Variants in CEP250 observed in about 807,000 individuals in gnomAD.
CEP250 encodes the protein centrosome-associated protein CEP250.
Under a neutral mutation model 315.7 loss-of-function variants are expected in CEP250, and 242 were observed. The ratio of observed to expected loss-of-function variants is 0.77; its 90% CI spans 0.69 to 0.85. The LOEUF (loss-of-function observed/expected upper bound fraction) is 0.85, where lower values mean the gene tolerates loss of function less well. Ranked by LOEUF, CEP250 falls within the 40% of genes least tolerant of loss-of-function variation. The pLI, the probability that CEP250 is intolerant of heterozygous loss-of-function variation, is 0.00. For synonymous variants in CEP250, 1,088 were observed against 1,175.0 expected (o/e 0.93, Z 1.51); for missense variants, 2,515 against 2,886.4 (o/e 0.87, Z 2.95).
In CEP250 at chr20:35,467,310, G is replaced by A; in HGVS notation, c.606G>A (p.Leu202=). ...LEMKSATDRD[L]MELKAEHVRL... Reference sequence around the variant, plus strand: ...TTTCCTTGCTTGTACTCAGAGATCTGATGGAGCTAAAAGCTGAGCATGTGA... The same window carrying A: ...TTTCCTTGCTTGTACTCAGAGATCTAATGGAGCTAAAAGCTGAGCATGTGA... Residue 202 remains leucine (L), a synonymous_variant, in exon 9 of 35, where the codon CTG becomes CTA. Transcript: ENST00000397527. The A allele has an allele frequency of 1.2e-6, 2 of 1,612,498 alleles. No individual in the cohort carries two copies. The highest frequency in any genetic ancestry group is 1.7e-6 in the Non-Finnish European group (2 of 1,178,726).
intron 21 of CEP250, 76 bp downstream of exon 21, chr20:35,490,880 C>A: frequency 6.5e-7 from 1 of 1,527,292 alleles, no homozygotes; most frequent in South Asian, 1.2e-5. Context: ...TTTCTACTCC[C>A]AAGAGGAGTG....
intron 5 of CEP250, among the ~76,000 whole-genome samples, 174 bp downstream of exon 5, chr20:35,463,805 C>A (rs1236443913): frequency 6.6e-6 from 1 of 152,252 alleles, no homozygotes; most frequent in Non-Finnish European, 1.5e-5. Context: ...CCTAGCTGGC[C>A]TGTCAGATTC....
chr20:35,496,693 A>G lies in CEP250; in HGVS notation c.3284A>G (p.Glu1095Gly). The G allele has an allele frequency of 6.2e-7, 1 of 1,613,834 alleles. No individual in the cohort carries two copies. The highest frequency in any genetic ancestry group is 1.1e-5 in the South Asian group (1 of 91,032). The change falls in exon 25 of 35, where the codon GAA becomes GGA. Residue 1095 changes from glutamate (E) to glycine (G), a missense_variant. Coordinates refer to ENST00000397527, the MANE Select transcript of CEP250 (RefSeq NM_007186.6). ...LRQDMQEAQGEQKELSAQMEL... is the reference protein window; with the variant it reads ...LRQDMQEAQGGQKELSAQMEL... ...CAGGACATGCAGGAGGCCCAGGGAG[A>G]ACAGAAAGAGCTCAGTGCTCAGGTA... is the stretch of plus-strand genomic sequence containing the variant.
In CEP250 at chr20:35,497,834, C is replaced by T; in HGVS notation, c.3422C>T (p.Ser1141Phe). 2 of 1,577,744 alleles carry T rather than the reference C, an allele frequency of 1.3e-6. No homozygotes were observed. The highest frequency in any genetic ancestry group is 1.2e-5 in the South Asian group (1 of 86,536). Residue 1141 changes from serine (S) to phenylalanine (F), a missense_variant, in exon 26 of 35, where the codon TCC (serine) becomes TTC (phenylalanine). Coordinates refer to ENST00000397527, the MANE Select transcript of CEP250 (RefSeq NM_007186.6). ...ATCACGGAGCAGCAGCTGCGAGCCT[C>T]CTTGTGGGCCCAGGAAGCCAAGGCA... ...SHITEQQLRA[S>F]LWAQEAKAAQ...
chr20:35,486,726 G>T (rs1313313132), intron 20 of CEP250, among the ~76,000 whole-genome samples: 1 of 152,196 alleles, frequency 6.6e-6, no homozygotes, highest in Non-Finnish European at 1.5e-5. Flanking sequence ...TGTGCTTTAT[G>T]TGTATTTGTA....
In CEP250 at chr20:35,472,075, A is replaced by C; in HGVS notation, c.974A>C (p.Glu325Ala). 1 of 1,611,648 alleles carries C rather than the reference A, an allele frequency of 6.2e-7. No individual in the cohort carries two copies. Among genetic ancestry groups the C allele is most frequent in the South Asian group, 1.1e-5 (1 of 91,028 alleles). ...ILETNHTELM[E>A]HEASLSRNAQ... ...GAGACAAATCACACAGAATTAATGG[A>C]ACATGAAGCATCTCTTAGTAGGAAT... The change falls in exon 11 of 35, where the codon GAA (glutamate) becomes GCA (alanine). Residue 325 changes from glutamate to alanine, a missense_variant. Transcript: ENST00000397527.
chr20:35,501,092 A>C (rs1307743966), intron 28 of CEP250, among the ~76,000 whole-genome samples: 1 of 152,212 alleles, frequency 6.6e-6, no homozygotes, highest in African/African-American at 2.4e-5. Context: ...GGATATATCC[A>C]TGTGCCAGCC....
Position 35,504,373 on chromosome 20 carries a change from C to T in CEP250, c.6004C>T (p.Gln2002Ter). 1 of 1,599,590 alleles carries T rather than the reference C, an allele frequency of 6.3e-7. No individual in the cohort carries two copies. Residue 2002 changes from glutamine (Q) to a stop codon, truncating the protein, a stop_gained, in exon 30 of 35, where the codon CAA becomes TAA. Transcript: ENST00000397527. LOFTEE classifies it high-confidence loss of function. ...TCTGGAGGCCAGCACTGCAACCCTG[C>T]AAGCCTCCCTGGATGCCTGCCAGGC... ...RSLEASTATL[Q>*]ASLDACQAHS... is the part of the protein sequence containing the mutation.
intron 30 of CEP250, 129 bp from the exon 31 acceptor site, chr20:35,507,609 C>T (rs2064223458): frequency 1.3e-6 from 1 of 743,070 alleles, no homozygotes; most frequent in Non-Finnish European, 2.3e-6. Context: ...ACTAGAATGA[C>T]TCAGAGCCTC....
chr20:35,488,840 G>C (rs1294751937), intron 20 of CEP250, among the ~76,000 whole-genome samples: 1 of 152,066 alleles, frequency 6.6e-6, no homozygotes, highest in Non-Finnish European at 1.5e-5. Context: ...TGATGGAGTA[G>C]GGGGGAGAAG....
chr20:35,511,307 G>A, intron 34 of CEP250, 56 bp from the exon 35 acceptor site: 2 of 1,464,246 alleles, frequency 1.4e-6, no homozygotes, highest in Non-Finnish European at 9.3e-7. Context: ...GAAGAGCTGG[G>A]ACAACTTCAG....
intron 25 of CEP250, among the ~76,000 whole-genome samples, chr20:35,497,392 T>C (rs746777149): frequency 4.4e-4 from 67 of 152,206 alleles, no homozygotes; most frequent in Non-Finnish European, 3.7e-4. Flanking sequence ...GCTATGTTAT[T>C]GTGACTGGTC....
In CEP250 at chr20:35,498,087, A is replaced by G; in HGVS notation, c.3655+20A>G. On this transcript the variant is annotated intron_variant, in intron 26 of 34. Transcript: ENST00000397527. ...AGCCAGGTGAGACAGCCTCCCCAGAACTAGGTCCTTTGGGCCAAAGCCAGG... is the reference window on the plus strand; with the variant it reads ...AGCCAGGTGAGACAGCCTCCCCAGAGCTAGGTCCTTTGGGCCAAAGCCAGG... 6.6e-7 allele frequency: 1 copy of G among 1,516,164 alleles called. No individual in the cohort carries two copies. 93.9% of individuals were successfully genotyped at this position (1,516,164 alleles called of 1,614,324 possible). A position where few individuals can be genotyped will look rare whatever the true frequency, so the allele number is the denominator to read the frequency against.
intron 7 of CEP250, 122 bp from the exon 8 acceptor site, chr20:35,466,844 A>G (rs1315043087): frequency 1.5e-6 from 1 of 658,678 alleles, no homozygotes; most frequent in Non-Finnish European, 2.8e-6. Flanking sequence ...ATACCCATTC[A>G]TAAACTATCT....
intron 16 of CEP250, among the ~76,000 whole-genome samples, chr20:35,477,118 C>A (rs111624498): frequency 6.6e-6 from 1 of 152,252 alleles, no homozygotes; most frequent in African/African-American, 2.4e-5. Context: ...TCAAGCAATT[C>A]TCTTGCCTCA....
At position 35,518,060 on chromosome 20, in the gene CEP250, AGG is replaced by A. The variant is rs1431194339; in HGVS notation, c.*6435_*6436del. 6.6e-6 allele frequency: 1 copy of A among 150,412 alleles called. No homozygotes were observed. The highest frequency in any genetic ancestry group is 1.5e-5 in the Non-Finnish European group (1 of 67,676). 9.3% of individuals were successfully genotyped at this position (150,412 alleles called of 1,614,324 possible). On this transcript the variant is annotated 3_prime_UTR_variant, in exon 35 of 35. Transcript: ENST00000397527. ...AAGACTGTCTCAAAAAAAAAAAAAA[AGG>A]AAATTAAATAAAAAGAAGATAGCAG...
At chr20:35,467,179 G>GGGGGGGGGGGGGGGGCCCCCCCCC in intron 8 of CEP250, 107 bp downstream of exon 8, 1 of 534,878 alleles carries the variant, frequency 1.9e-6, no homozygotes, top group Non-Finnish European at 3.5e-6. Context: ...GGTGGGTGGG[G>GGGGGGGGGGGGGGGGCCCCCCCCC]GAGTTGGTAG....
intron 34 of CEP250, among the ~76,000 whole-genome samples, chr20:35,510,513 C>G (rs914459669): frequency 2.0e-5 from 3 of 152,216 alleles, no homozygotes; most frequent in Non-Finnish European, 4.4e-5. Context: ...ACTTGAAGAG[C>G]CTTCCTGCCT....
chr20:35,495,147 C>T (rs570979954), intron 24 of CEP250, among the ~76,000 whole-genome samples: 3 of 152,126 alleles, frequency 2.0e-5, no homozygotes, highest in Non-Finnish European at 4.4e-5. Flanking sequence ...AAATAATATG[C>T]AAAGGCCGTG....
Sources: allele counts gnomAD v4.1 joint callset (sites outside exome capture counted in the v4.1 genomes callset), GRCh38; gene constraint gnomAD v4.1.1; transcripts MANE v1.5; gene names NCBI Gene and HGNC (gene_info 2026-07-23, HGNC 2026-07-21).